Variants in FGFR2 observed in about 807,000 individuals in gnomAD.
FGFR2 encodes the protein fibroblast growth factor receptor 2, also known as BEK fibroblast growth factor receptor.
A neutral mutation model predicts 95.9 loss-of-function variants in FGFR2; 19 were observed. The observed-to-expected ratio is 0.20, with a 90% CI of 0.14 to 0.29. FGFR2 has a LOEUF of 0.29. Ranked by LOEUF, FGFR2 falls within the 10% of genes least tolerant of loss-of-function variation. FGFR2 has a pLI of 1.00. For missense variants in FGFR2, 707 were observed against 1,056.9 expected (o/e 0.67, Z 4.59); for synonymous variants, 392 against 393.3 (o/e 1.00, Z 0.04).
At chr10:121,566,590 C>T (rs2135140277) in intron 2 of FGFR2, among the ~76,000 whole-genome samples, 1 of 152,300 alleles carries the variant, frequency 6.6e-6, no homozygotes, top group African/African-American at 2.4e-5. Context: ...AGACCCAAAT[C>T]AAGCAGGGTC....
intron 9 of FGFR2, among the ~76,000 whole-genome samples, chr10:121,506,009 G>A (rs1589787955): frequency 6.6e-6 from 1 of 152,224 alleles, no homozygotes; most frequent in East Asian, 1.9e-4. Flanking sequence ...ACCACTCATT[G>A]CAGGGGGACC....
rs1156240840 is a variant in FGFR2 at position 121,593,857 on chromosome 10, T to C, written c.-40A>G. On this transcript the variant is annotated 5_prime_UTR_variant, in exon 2 of 18. The change abolishes an upstream ATG in the 5' untranslated region. Coordinates refer to ENST00000358487, the MANE Select transcript of FGFR2 (RefSeq NM_000141.5). ...TCCCCGGTCCTCTTCCATATCTCCA[T>C]GTGGACGTTAATCCCATCTGCACAC... 1.9e-6 allele frequency: 3 copies of C among 1,568,180 alleles called. No homozygotes were observed. Among genetic ancestry groups the C allele is most frequent in the South Asian group, 1.1e-5 (1 of 90,142 alleles).
intron 9 of FGFR2, among the ~76,000 whole-genome samples, chr10:121,506,357 C>CAAAAA (rs10678814): frequency 2.0e-5 from 2 of 101,086 alleles, no homozygotes; most frequent in Non-Finnish European, 1.8e-5. Flanking sequence ...GACTCCGTCT[C>CAAAAA]AAAAAAAAAA....
rs1458836276 is a variant in FGFR2 at position 121,531,599 on chromosome 10, T to C, written c.748+6993A>G. Among the ~76,000 whole-genome samples, 1 of 152,088 alleles carries C rather than the reference T, an allele frequency of 6.6e-6. No homozygotes were observed. The highest frequency in any genetic ancestry group is 1.5e-5 in the Non-Finnish European group (1 of 68,014). ...GACTAACAGTTGCATGGTACTATTATTTAAAAGCGCTGCCTCTCCTACCAC... is the reference window on the plus strand; with the variant it reads ...GACTAACAGTTGCATGGTACTATTACTTAAAAGCGCTGCCTCTCCTACCAC... On this transcript the variant is annotated intron_variant, in intron 6 of 17. Coordinates refer to ENST00000358487, the MANE Select transcript of FGFR2 (RefSeq NM_000141.5). The surrounding 1 kb of genome is among the most constrained non-coding windows in gnomAD (Gnocchi z 4.5).
chr10:121,554,284 T>C (rs1283382914), intron 4 of FGFR2, among the ~76,000 whole-genome samples: 1 of 151,388 alleles, frequency 6.6e-6, no homozygotes, highest in Non-Finnish European at 1.5e-5. Context: ...TCTTTAAATA[T>C]CAAGCTCACA....
At chr10:121,584,936 C>T (rs1244515208) in intron 2 of FGFR2, among the ~76,000 whole-genome samples, 5 of 135,876 alleles carry the variant, frequency 3.7e-5, no homozygotes, top group African/African-American at 1.4e-4. Flanking sequence ...CCATCCCGCA[C>T]CACCCCAACC....
At position 121,526,720 on chromosome 10, in the gene FGFR2, C is replaced by A. The variant is rs912130540; in HGVS notation, c.749-6551G>T. ...TGAGTGGGCTGGGATGCTGGGCACC[C>A]AGAATCACCTGTTTTGTTTTGTTTA... On this transcript the variant is annotated intron_variant, in intron 6 of 17. Coordinates refer to ENST00000358487, the MANE Select transcript of FGFR2 (RefSeq NM_000141.5). The A allele has an allele frequency of 1.8e-5, 7 of 398,640 alleles. No individual in the cohort carries two copies. In the East Asian group the frequency reaches 2.5e-4, roughly 14 times the overall value. 24.7% of individuals were successfully genotyped at this position (398,640 alleles called of 1,614,324 possible).
chr10:121,524,777 C>T (rs1020882891), intron 6 of FGFR2, among the ~76,000 whole-genome samples: 14 of 152,282 alleles, frequency 9.2e-5, no homozygotes, highest in African/African-American at 2.9e-4. Context: ...GCGGGCACTA[C>T]GGCAGAGACA....
At chr10:121,570,575 C>G (rs1022563566) in intron 2 of FGFR2, among the ~76,000 whole-genome samples, 1 of 152,228 alleles carries the variant, frequency 6.6e-6, no homozygotes, top group African/African-American at 2.4e-5. Flanking sequence ...ATACTTTTCA[C>G]CTTTCCTGTG....
At chr10:121,551,183 G>T (rs1855351261) in intron 5 of FGFR2, 107 bp downstream of exon 5, 1 of 1,293,022 alleles carries the variant, frequency 7.7e-7, no homozygotes, top group Non-Finnish European at 1.1e-6. Context: ...TCGCACCACG[G>T]CACTCCAGCC....
intron 9 of FGFR2, among the ~76,000 whole-genome samples, chr10:121,506,800 G>A (rs752861955): frequency 9.2e-5 from 14 of 152,282 alleles, no homozygotes; most frequent in Admixed American, 2.6e-4. Flanking sequence ...GAGAGAGGGG[G>A]TAGAAAATAC....
At chr10:121,566,110 T>C (rs1277580017) in intron 2 of FGFR2, among the ~76,000 whole-genome samples, 1 of 152,244 alleles carries the variant, frequency 6.6e-6, no homozygotes, top group African/African-American at 2.4e-5. Context: ...AACGTGACTG[T>C]GCGCCACACA....
At chr10:121,540,380 C>A (rs1460261723) in intron 5 of FGFR2, among the ~76,000 whole-genome samples, 1 of 152,194 alleles carries the variant, frequency 6.6e-6, no homozygotes, top group Non-Finnish European at 1.5e-5. Flanking sequence ...AGGACCCAGA[C>A]AACATGCTAG....
intron 2 of FGFR2, among the ~76,000 whole-genome samples, chr10:121,571,338 T>A (rs7922206): frequency 4.8e-5 from 6 of 124,092 alleles, no homozygotes; most frequent in East Asian, 4.9e-4. Context: ...TCTCGCTCTC[T>A]CCCAGGCTGG....
intron 1 of FGFR2, among the ~76,000 whole-genome samples, chr10:121,595,801 C>A (rs1349168438): frequency 6.6e-6 from 1 of 152,218 alleles, no homozygotes; most frequent in Admixed American, 6.5e-5. Flanking sequence ...TCCTTGGCTC[C>A]AGGCAGAGAA....
chr10:121,589,513 G>C lies in FGFR2; in HGVS notation c.109+4196C>G, dbSNP rs146757466. On this transcript the variant is annotated intron_variant, in intron 2 of 17. Coordinates refer to ENST00000358487, the MANE Select transcript of FGFR2 (RefSeq NM_000141.5). ...AAAGTCTTTACTTATGGCTTGATGC[G>C]GGGCCATTGGCATAGTAAGTGCTCT... 4.9e-3 allele frequency among the ~76,000 whole-genome samples: 742 copies of C among 152,252 alleles called. 2 individuals carry two copies. Among genetic ancestry groups the C allele is most frequent in the African/African-American group, 0.017 (709 of 41,538 alleles).
At position 121,531,607 on chromosome 10, in the gene FGFR2, C is replaced by T. The variant is rs1852086258; in HGVS notation, c.748+6985G>A. 6.6e-6 allele frequency among the ~76,000 whole-genome samples: 1 copy of T among 152,102 alleles called. No homozygotes were observed. The highest frequency in any genetic ancestry group is 2.4e-5 in the African/African-American group (1 of 41,422). ...GTTGCATGGTACTATTATTTAAAAG[C>T]GCTGCCTCTCCTACCACCTCCTCCT... On this transcript the variant is annotated intron_variant, in intron 6 of 17. Coordinates refer to ENST00000358487, the MANE Select transcript of FGFR2 (RefSeq NM_000141.5). This position sits in a 1 kb window ranked among gnomAD's most constrained non-coding sequence, Gnocchi z 4.5.
At chr10:121,561,462 T>A (rs1406113155) in intron 4 of FGFR2, among the ~76,000 whole-genome samples, 1 of 151,122 alleles carries the variant, frequency 6.6e-6, no homozygotes, top group East Asian at 1.9e-4. Context: ...GACAGTCTTT[T>A]CAACAAATAG....
chr10:121,496,442 C>T, intron 13 of FGFR2, 90 bp downstream of exon 13: 1 of 1,224,746 alleles, frequency 8.2e-7, no homozygotes, highest in South Asian at 1.2e-5. Context: ...AGGGCTTGAT[C>T]TAGCAAATGA....
Sources: gnomAD v4.1 joint callset for allele counts (sites outside exome capture counted in the v4.1 genomes callset) on GRCh38, gnomAD v4.1.1 for gene constraint, Gnocchi (gnomAD v3.1) non-coding constraint, MANE v1.5 for transcripts, NCBI Gene and HGNC (gene_info 2026-07-23, HGNC 2026-07-21) for gene names.